KLK3: variants seen among roughly 807,000 people sequenced by gnomAD.
KLK3 encodes the protein kallikrein related peptidase 3.
A neutral mutation model predicts 27.7 loss-of-function variants in KLK3; 23 were observed. The ratio of observed to expected loss-of-function variants is 0.83; its 90% CI spans 0.60 to 1.17. KLK3 has a LOEUF of 1.17. KLK3 is among the 50% of genes most tolerant of loss of function. KLK3 has a pLI of 0.00. For missense variants in KLK3, 322 were observed against 338.1 expected (o/e 0.95, Z 0.37); for synonymous variants, 142 against 134.2 (o/e 1.06, Z -0.40).
intron 4 of KLK3, chr19:50,859,464 C>T: frequency 7.2e-7 from 1 of 1,388,438 alleles, no homozygotes; most frequent in Non-Finnish European, 1.0e-6. Context: ...GGCCCTTACC[C>T]AGCCTCCCTC....
chr19:50,855,908 C>G (rs1336900540), intron 1 of KLK3: 1 of 205,716 alleles, frequency 4.9e-6, no homozygotes, highest in Non-Finnish European at 9.7e-6. Flanking sequence ...TTCTCCCAGT[C>G]CAAGACCCCA....
chr19:50,859,849 T>C (rs2090173497), intron 4 of KLK3, 123 bp from the exon 5 acceptor site: 2 of 1,505,928 alleles, frequency 1.3e-6, no homozygotes, highest in Non-Finnish European at 1.8e-6. Flanking sequence ...TGGAGACATT[T>C]CTCTCTTCTT....
intron 2 of KLK3, 93 bp downstream of exon 2, chr19:50,856,492 C>T: frequency 6.8e-7 from 1 of 1,469,666 alleles, no homozygotes; most frequent in Non-Finnish European, 9.2e-7. Flanking sequence ...TAAGGCCAGC[C>T]TTGGGACTGG....
chr19:50,856,648 G>C, intron 2 of KLK3: 1 of 479,360 alleles, frequency 2.1e-6, no homozygotes. Context: ...AACTGGCTTC[G>C]GTTGTGTCTC....
rs550912928 is a variant in KLK3, at chr19:50,857,916, G to A, written c.207-113G>A. 4.2e-6 allele frequency: 5 copies of A among 1,179,064 alleles called. No individual in the cohort carries two copies. The East Asian group carries it at 1.2e-4, about 29-fold the overall frequency. The allele number at this position is 1,179,064 out of a possible 1,614,324, so 73.0% of individuals were successfully genotyped here. ...CCTGAACTGTGTCTTCCCCAACCCT[G>A]TGTTTTTCTCACTGTTTCTTTTTCT... On this transcript the variant is annotated intron_variant, in intron 2 of 4. Coordinates refer to ENST00000326003, the MANE Select transcript of KLK3 (RefSeq NM_001648.2).
In KLK3 at chr19:50,860,643, G is replaced by C. The variant is rs1035365265; in HGVS notation, c.*516G>C. 2.0e-5 allele frequency: 3 copies of C among 152,476 alleles called. No homozygotes were observed. Among genetic ancestry groups the C allele is most frequent in the African/African-American group, 4.8e-5 (2 of 41,434 alleles). The allele number at this position is 152,476 out of a possible 1,614,324, so 9.4% of individuals were successfully genotyped here. ...ATGGGATGGGGATGAAGTAAGGAGA[G>C]GGACTGGACCCCCTGGAAGCTGATT... On this transcript the variant is annotated 3_prime_UTR_variant, in exon 5 of 5. Transcript: ENST00000326003.
At chr19:50,856,447 G>A in intron 2 of KLK3, 48 bp downstream of exon 2, 1 of 1,590,568 alleles carries the variant, frequency 6.3e-7, no homozygotes, top group Non-Finnish European at 8.6e-7. Context: ...TGTCCCAGAG[G>A]AATAACAGCT....
rs2123460505 is a variant in KLK3 at position 50,858,516 on chromosome 19, G to A, written c.551G>A (p.Cys184Tyr). ...VDLHVISNDV[C>Y]AQVHPQKVTK... ...CTCCATGTTATTTCCAATGACGTGTGTGCGCAAGTTCACCCTCAGAAGGTG... is the reference window on the plus strand; with the variant it reads ...CTCCATGTTATTTCCAATGACGTGTATGCGCAAGTTCACCCTCAGAAGGTG... Residue 184 changes from cysteine to tyrosine, a missense_variant, in exon 4 of 5, where the codon TGT becomes TAT. Transcript: ENST00000326003. The A allele has an allele frequency of 6.2e-7, 1 of 1,614,234 alleles. No homozygotes were observed. Among genetic ancestry groups the A allele is most frequent in the Non-Finnish European group, 8.5e-7 (1 of 1,180,040 alleles).
In KLK3 at chr19:50,860,105, A is replaced by G; in HGVS notation, c.764A>G (p.Asp255Gly). The change falls in exon 5 of 5, where the codon GAC becomes GGC. Residue 255 changes from aspartate to glycine, a missense_variant. By Grantham distance (94) the Asp-to-Gly change is moderately conservative. Coordinates refer to ENST00000326003, the MANE Select transcript of KLK3 (RefSeq NM_001648.2). The stretch of plus-strand genomic sequence containing the variant: ...GTGCATTACCGGAAGTGGATCAAGG[A>G]CACCATCGTGGCCAACCCCTGAGCA... ...KVVHYRKWIK[D>G]TIVANP is the part of the protein sequence containing the mutation. 6.2e-7 allele frequency: 1 copy of G among 1,613,780 alleles called. No homozygotes were observed. Among genetic ancestry groups the G allele is most frequent in the South Asian group, 1.1e-5 (1 of 91,062 alleles).
At chr19:50,856,179 T>G in intron 1 of KLK3, 61 bp from the exon 2 acceptor site, 2 of 1,476,596 alleles carry the variant, frequency 1.4e-6, no homozygotes, top group Admixed American at 3.7e-5. Flanking sequence ...CCATCTCCTA[T>G]CCGAGTCCCC....
intron 1 of KLK3, 94 bp from the exon 2 acceptor site, chr19:50,856,146 C>A: frequency 8.5e-7 from 1 of 1,178,706 alleles, no homozygotes; most frequent in Non-Finnish European, 1.2e-6. Flanking sequence ...GCCCCCGTGT[C>A]TTTTCAAACC....
intron 2 of KLK3, 140 bp downstream of exon 2, chr19:50,856,539 G>A: frequency 1.8e-6 from 2 of 1,086,888 alleles, no homozygotes; most frequent in Non-Finnish European, 2.6e-6. Flanking sequence ...GTCACATGGG[G>A]AGGCAGGGTT....
intron 2 of KLK3, 53 bp from the exon 3 acceptor site, chr19:50,857,974 TTC>T (rs1599992961): frequency 1.9e-6 from 3 of 1,540,640 alleles, no homozygotes; most frequent in East Asian, 2.2e-5. Flanking sequence ...CCTCTGTCCC[TTC>T]TCTCTTTCCT....
rs770994770 is a variant in KLK3 at position 50,856,361 on chromosome 19, C to T, written c.168C>T (p.His56=). Reference sequence around the variant, plus strand: ...CAGTCTGCGGCGGTGTTCTGGTGCACCCCCAGTGGGTCCTCACAGCTGCCC... The same window carrying T: ...CAGTCTGCGGCGGTGTTCTGGTGCATCCCCAGTGGGTCCTCACAGCTGCCC... ...GRAVCGGVLV[H]PQWVLTAAHC... is the part of the protein sequence containing the mutation. Residue 56 remains histidine, a synonymous_variant, in exon 2 of 5, where the codon CAC becomes CAT. Coordinates refer to ENST00000326003, the MANE Select transcript of KLK3 (RefSeq NM_001648.2). 1 of 1,613,668 alleles carries T rather than the reference C, an allele frequency of 6.2e-7. No homozygotes were observed. Among genetic ancestry groups the T allele is most frequent in the African/African-American group, 1.3e-5 (1 of 74,904 alleles).
chr19:50,858,351 G>T, intron 3 of KLK3, 36 bp downstream of exon 3: 32 of 1,604,748 alleles, frequency 2.0e-5, no homozygotes, highest in Non-Finnish European at 2.6e-5. Context: ...CGGGAGCCCA[G>T]ATGCCTGGGT....
At chr19:50,856,965 C>T (rs1424056501) in intron 2 of KLK3, among the ~76,000 whole-genome samples, 3 of 152,020 alleles carry the variant, frequency 2.0e-5, no homozygotes, top group South Asian at 4.2e-4. Flanking sequence ...GAGTTCGAGA[C>T]CAGCCTGGCC....
At chr19:50,858,642 G>A (rs1293253817) in intron 4 of KLK3, 47 bp downstream of exon 4, 5 of 1,609,666 alleles carry the variant, frequency 3.1e-6, no homozygotes, top group Admixed American at 1.7e-5. Flanking sequence ...GGTGAGTGGG[G>A]ACCTTAATTC....
rs1222292014 is a variant in KLK3, at chr19:50,859,068, C to T, written c.630+473C>T. ...GAAGGCGGGAGTGAGCAAACACCTG[C>T]CGCAGGGGAGGGGAGGGCCCTGCGG... is the stretch of plus-strand genomic sequence containing the variant. On this transcript the variant is annotated intron_variant, in intron 4 of 4. Coordinates refer to ENST00000326003, the MANE Select transcript of KLK3 (RefSeq NM_001648.2). 1.6e-4 allele frequency: 34 copies of T among 211,916 alleles called. No homozygotes were observed. In the Admixed American group the frequency reaches 1.7e-3, roughly 11 times the overall value. The allele number at this position is 211,916 out of a possible 1,614,324, so 13.1% of individuals were successfully genotyped here.
Position 50,858,160 on chromosome 19 carries a change from C to T in KLK3, c.338C>T (p.Pro113Leu). ...MSLLKNRFLR[P>L]GDDSSHDLML... Reference sequence around the variant, plus strand: ...CTCCTGAAGAATCGATTCCTCAGGCCAGGTGATGACTCCAGCCACGACCTC... The same window carrying T: ...CTCCTGAAGAATCGATTCCTCAGGCTAGGTGATGACTCCAGCCACGACCTC... The change falls in exon 3 of 5, where the codon CCA (proline) becomes CTA (leucine). Residue 113 changes from proline (P) to leucine (L), a missense_variant. Coordinates refer to ENST00000326003, the MANE Select transcript of KLK3 (RefSeq NM_001648.2). The T allele has an allele frequency of 6.2e-7, 1 of 1,614,192 alleles. No homozygotes were observed. Among genetic ancestry groups the T allele is most frequent in the Non-Finnish European group, 8.5e-7 (1 of 1,180,042 alleles).
Sources: gnomAD v4.1 joint callset for allele counts (sites outside exome capture counted in the v4.1 genomes callset) on GRCh38, gnomAD v4.1.1 for gene constraint, MANE v1.5 for transcripts, NCBI Gene and HGNC (gene_info 2026-07-23, HGNC 2026-07-21) for gene names.